ERBB4: variants seen among roughly 807,000 people sequenced by gnomAD.
The protein encoded by ERBB4 is erb-b2 receptor tyrosine kinase 4.
In ERBB4, 42 loss-of-function variants were observed where a neutral mutation model predicts 158.0. That is an observed-to-expected ratio of 0.27 (90% CI 0.21 to 0.34). The LOEUF (loss-of-function observed/expected upper bound fraction) is 0.34, where lower values mean the gene tolerates loss of function less well. ERBB4 is among the 10% of genes least tolerant of loss of function. ERBB4 has a pLI of 1.00. For synonymous variants in ERBB4, 583 were observed against 558.7 expected (o/e 1.04, Z -0.61); for missense variants, 1,333 against 1,624.1 (o/e 0.82, Z 3.08).
At chr2:212,031,593 T>C (rs1334938061) in intron 2 of ERBB4, among the ~76,000 whole-genome samples, 1 of 152,160 alleles carries the variant, frequency 6.6e-6, no homozygotes, top group East Asian at 1.9e-4. Context: ...GCAGAGCAGT[T>C]GATGATAGAA....
intron 1 of ERBB4, among the ~76,000 whole-genome samples, chr2:212,530,609 G>A (rs1037002207): frequency 6.6e-6 from 1 of 152,152 alleles, no homozygotes; most frequent in Non-Finnish European, 1.5e-5. Flanking sequence ...TATAGTCACA[G>A]AGCCTGGAGA....
At chr2:211,568,394 T>C (rs2067615760) in intron 19 of ERBB4, among the ~76,000 whole-genome samples, 1 of 152,166 alleles carries the variant, frequency 6.6e-6, no homozygotes, top group Non-Finnish European at 1.5e-5. Flanking sequence ...GACATTTTTG[T>C]ACAATAATAA....
intron 20 of ERBB4, among the ~76,000 whole-genome samples, chr2:211,555,376 G>A (rs1442157416): frequency 1.3e-5 from 2 of 152,018 alleles, no homozygotes; most frequent in Non-Finnish European, 2.9e-5. Flanking sequence ...GTAGAGGCGG[G>A]GTTTCTCCAT....
At chr2:212,251,394 TA>T (rs1377579542) in intron 1 of ERBB4, among the ~76,000 whole-genome samples, 1 of 151,888 alleles carries the variant, frequency 6.6e-6, no homozygotes, top group Non-Finnish European at 1.5e-5. Context: ...GGGAATAAAC[TA>T]AAAACATAAT....
intron 1 of ERBB4, among the ~76,000 whole-genome samples, chr2:212,526,503 T>C (rs1692454349): frequency 6.6e-6 from 1 of 152,082 alleles, no homozygotes; most frequent in Admixed American, 6.6e-5. Context: ...TAATTCCGAA[T>C]ACGTTTTTAA....
At chr2:211,471,387 C>T (rs756003138) in intron 20 of ERBB4, among the ~76,000 whole-genome samples, 2 of 152,090 alleles carry the variant, frequency 1.3e-5, no homozygotes, top group Non-Finnish European at 2.9e-5. Context: ...TATTGCTTCT[C>T]ATCAACAGGA....
intron 1 of ERBB4, among the ~76,000 whole-genome samples, chr2:212,373,907 GTATATATCCATATATATATATCCATA>G (rs1394364635): frequency 1.3e-5 from 1 of 76,170 alleles, no homozygotes; most frequent in East Asian, 2.9e-4. Context: ...ATATATCCAT[GTATATATCCATATATATATATCCATA>G]TATATCCATA....
intron 1 of ERBB4, among the ~76,000 whole-genome samples, chr2:212,389,118 C>T (rs2090771622): frequency 6.6e-6 from 1 of 152,100 alleles, no homozygotes; most frequent in Admixed American, 6.6e-5. Flanking sequence ...GTGGCAGTTT[C>T]ACAAGCAAGT....
At chr2:212,313,974 A>G (rs935575311) in intron 1 of ERBB4, among the ~76,000 whole-genome samples, 2 of 151,038 alleles carry the variant, frequency 1.3e-5, no homozygotes, top group Non-Finnish European at 3.0e-5. Context: ...TAAACAATCT[A>G]CAAACTTTCA....
intron 19 of ERBB4, among the ~76,000 whole-genome samples, chr2:211,614,767 T>C (rs1487062662): frequency 6.6e-6 from 1 of 152,058 alleles, no homozygotes; most frequent in Non-Finnish European, 1.5e-5. Flanking sequence ...TAATATCAAT[T>C]AGATTTAAAA....
chr2:211,928,144 A>G (rs1188985063), intron 3 of ERBB4, among the ~76,000 whole-genome samples: 1 of 152,184 alleles, frequency 6.6e-6, no homozygotes, highest in Non-Finnish European at 1.5e-5. Flanking sequence ...ATGATTCACT[A>G]AGGACAGAAG....
chr2:211,553,971 G>A (rs1236232266), intron 20 of ERBB4, among the ~76,000 whole-genome samples: 2 of 152,142 alleles, frequency 1.3e-5, no homozygotes, highest in African/African-American at 4.8e-5. Context: ...CTGAAAATGC[G>A]GCATAGATGT....
At chr2:211,636,220 T>C (rs10203821) in intron 16 of ERBB4, among the ~76,000 whole-genome samples, 127,716 of 151,862 alleles carry the variant, frequency 0.84, 57,240 homozygotes, top group East Asian at 1. Flanking sequence ...TTGCAAAACA[T>C]GGTAAAACAG....
intron 4 of ERBB4, among the ~76,000 whole-genome samples, chr2:211,783,831 T>A (rs865845297): frequency 6.6e-6 from 1 of 152,160 alleles, no homozygotes; most frequent in Non-Finnish European, 1.5e-5. Flanking sequence ...AAAATTCTCT[T>A]TTTTTTGTTG....
rs1351321551 is a variant in ERBB4 at position 211,376,437 on chromosome 2, TTTTG to T, written c.*7174_*7177del. The T allele has an allele frequency of 1.0e-4, 24 of 232,894 alleles. No homozygotes were observed. Among genetic ancestry groups the T allele is most frequent in the Admixed American group, 1.0e-3 (18 of 17,760 alleles). The allele number at this position is 232,894 out of a possible 1,614,324, so 14.4% of individuals were successfully genotyped here. A position where few individuals can be genotyped will look rare whatever the true frequency, so the allele number is the denominator to read the frequency against. The stretch of plus-strand genomic sequence containing the variant: ...ACATTTTCAAACATACAGTAGTATT[TTTTG>T]TTTGTTTATTTCAAAAAGGCAGCTA... On this transcript the variant is annotated 3_prime_UTR_variant, in exon 28 of 28. Transcript: ENST00000342788.
chr2:211,588,041 C>T (rs919261707), intron 19 of ERBB4, among the ~76,000 whole-genome samples: 1 of 151,928 alleles, frequency 6.6e-6, no homozygotes, highest in African/African-American at 2.4e-5. Flanking sequence ...AGAATGTGAC[C>T]GTTTTCTATG....
chr2:211,954,191 T>C (rs190701984), intron 2 of ERBB4, among the ~76,000 whole-genome samples: 10 of 152,214 alleles, frequency 6.6e-5, no homozygotes, highest in Admixed American at 6.6e-4. Flanking sequence ...TGAAGACTAG[T>C]TCCTTAAATG....
chr2:211,459,553 T>C (rs143510144), intron 20 of ERBB4, among the ~76,000 whole-genome samples: 2,680 of 152,182 alleles, frequency 0.018, 42 homozygotes, highest in South Asian at 0.048. Context: ...TGGGGGAGGT[T>C]TCCCCCATAT....
At chr2:212,483,572 A>G (rs188934068) in intron 1 of ERBB4, among the ~76,000 whole-genome samples, 2 of 152,294 alleles carry the variant, frequency 1.3e-5, no homozygotes, top group Admixed American at 1.3e-4. Context: ...TTCTCCATAG[A>G]AAGTATCTAT....
Sources: gnomAD v4.1 joint callset for allele counts (sites outside exome capture counted in the v4.1 genomes callset) on GRCh38, gnomAD v4.1.1 for gene constraint, MANE v1.5 for transcripts, NCBI Gene and HGNC (gene_info 2026-07-23, HGNC 2026-07-21) for gene names.